The following LRRTM4 variants were observed in gnomAD, a reference collection of about 807,000 sequenced individuals.
The protein encoded by LRRTM4 is leucine rich repeat transmembrane neuronal 4.
Under a neutral mutation model 47.6 loss-of-function variants are expected in LRRTM4, and 25 were observed. The ratio of observed to expected loss-of-function variants is 0.53; its 90% CI spans 0.38 to 0.73. LRRTM4 has a LOEUF of 0.73. Among genes scored for constraint, LRRTM4 ranks in the 30% least tolerant of loss-of-function variants. LRRTM4 has a pLI of 0.00. For missense variants in LRRTM4, 638 were observed against 713.4 expected (o/e 0.89, Z 1.20); for synonymous variants, 311 against 269.5 (o/e 1.15, Z -1.51).
At chr2:77,014,064 G>A (rs747409730) in intron 3 of LRRTM4, among the ~76,000 whole-genome samples, 6 of 152,166 alleles carry the variant, frequency 3.9e-5, no homozygotes, top group African/African-American at 1.2e-4. Flanking sequence ...TATGATGAGA[G>A]AGTATGATTA....
chr2:76,980,403 G>C (rs549568138), intron 3 of LRRTM4, among the ~76,000 whole-genome samples: 1 of 152,134 alleles, frequency 6.6e-6, no homozygotes, highest in Admixed American at 6.6e-5. Context: ...CCTGAGCAAT[G>C]TATCTGTTTT....
chr2:77,449,549 T>C (rs1258995645), intron 3 of LRRTM4, among the ~76,000 whole-genome samples: 7 of 152,154 alleles, frequency 4.6e-5, no homozygotes, highest in Admixed American at 3.3e-4. Context: ...AGTACCAGGC[T>C]CATTTCCCAG....
chr2:77,034,654 A>T (rs1371790835), intron 3 of LRRTM4, among the ~76,000 whole-genome samples: 1 of 151,822 alleles, frequency 6.6e-6, no homozygotes, highest in East Asian at 1.9e-4. Flanking sequence ...TAGGCAACTA[A>T]ATCCAGAGGC....
intron 3 of LRRTM4, among the ~76,000 whole-genome samples, chr2:76,774,250 T>C (rs145458411): frequency 2.1e-4 from 32 of 152,084 alleles, no homozygotes; most frequent in South Asian, 8.3e-4. Context: ...AGTGGTGCAA[T>C]CTTGGCTCAC....
chr2:76,748,435 T>A lies in LRRTM4; in HGVS notation c.*260A>T. ...TTTTATAAGAACTTGACACTCTTAC[T>A]ATTTACATCCGGGAGCATTTTTGTT... On this transcript the variant is annotated 3_prime_UTR_variant, in exon 4 of 4. Coordinates refer to ENST00000409884, the MANE Select transcript of LRRTM4 (RefSeq NM_001134745.3). The A allele has an allele frequency of 2.0e-6, 1 of 497,100 alleles. No homozygotes were observed. Among genetic ancestry groups the A allele is most frequent in the Non-Finnish European group, 3.6e-6 (1 of 278,098 alleles). The allele number at this position is 497,100 out of a possible 1,614,324, so 30.8% of individuals were successfully genotyped here.
At chr2:77,438,450 A>G (rs1675697237) in intron 3 of LRRTM4, among the ~76,000 whole-genome samples, 1 of 122,472 alleles carries the variant, frequency 8.2e-6, no homozygotes, top group Non-Finnish European at 1.6e-5. Context: ...TCTGTCGCCC[A>G]GGCTGGAGTG....
intron 3 of LRRTM4, among the ~76,000 whole-genome samples, chr2:76,819,351 G>A (rs991916438): frequency 4.6e-5 from 7 of 151,684 alleles, no homozygotes; most frequent in East Asian, 1.9e-4. Flanking sequence ...AAAATAGTAC[G>A]CATACTTCCC....
chr2:77,361,637 C>T (rs769259185), intron 3 of LRRTM4, among the ~76,000 whole-genome samples: 4 of 152,112 alleles, frequency 2.6e-5, no homozygotes, highest in Non-Finnish European at 4.4e-5. Flanking sequence ...ATAACTATGC[C>T]TGGTATAAAC....
At chr2:77,366,403 C>T (rs1245514296) in intron 3 of LRRTM4, among the ~76,000 whole-genome samples, 1 of 151,904 alleles carries the variant, frequency 6.6e-6, no homozygotes, top group Non-Finnish European at 1.5e-5. Flanking sequence ...TACTCAAATA[C>T]TTCAAGGCTT....
At position 77,177,201 on chromosome 2, in the gene LRRTM4, T is replaced by C. The variant is rs577621903; in HGVS notation, c.1551+341117A>G. On this transcript the variant is annotated intron_variant, in intron 3 of 3. Coordinates refer to ENST00000409884, the MANE Select transcript of LRRTM4 (RefSeq NM_001134745.3). Reference sequence around the variant, plus strand: ...TAAACTTGTTTTCACTTAATTCTGTTCACTGCTCTTGAATTCCTTCCTATG... The same window carrying C: ...TAAACTTGTTTTCACTTAATTCTGTCCACTGCTCTTGAATTCCTTCCTATG... Among the ~76,000 whole-genome samples, 176 of 152,300 alleles carry C rather than the reference T, an allele frequency of 1.2e-3. 1 individual carries two copies. The highest frequency in any genetic ancestry group is 3.9e-3 in the African/African-American group (163 of 41,560).
chr2:76,761,079 C>G (rs1036752775), intron 3 of LRRTM4, among the ~76,000 whole-genome samples: 1 of 152,220 alleles, frequency 6.6e-6, no homozygotes, highest in Non-Finnish European at 1.5e-5. Context: ...AATGTGCAAC[C>G]TAGGTTGACA....
At chr2:77,170,406 G>T (rs1033908475) in intron 3 of LRRTM4, among the ~76,000 whole-genome samples, 2 of 152,094 alleles carry the variant, frequency 1.3e-5, no homozygotes. Context: ...ACTAGATTCT[G>T]CCAGTAACAC....
intron 3 of LRRTM4, among the ~76,000 whole-genome samples, chr2:77,290,103 G>A (rs1676779573): frequency 6.6e-6 from 1 of 151,776 alleles, no homozygotes; most frequent in South Asian, 2.1e-4. Flanking sequence ...AATTGAAGGA[G>A]AGTTTTCAAC....
At chr2:77,267,776 CA>C (rs1176967614) in intron 3 of LRRTM4, among the ~76,000 whole-genome samples, 2 of 127,894 alleles carry the variant, frequency 1.6e-5, no homozygotes, top group African/African-American at 5.9e-5. Context: ...TACACTGTCA[CA>C]CAATTAGAAT....
At chr2:77,121,480 C>A (rs1572982455) in intron 3 of LRRTM4, among the ~76,000 whole-genome samples, 1 of 151,688 alleles carries the variant, frequency 6.6e-6, no homozygotes, top group Non-Finnish European at 1.5e-5. Context: ...AAACACATAT[C>A]TAAAATTTGA....
At chr2:77,311,357 A>G (rs529860166) in intron 3 of LRRTM4, among the ~76,000 whole-genome samples, 2 of 152,164 alleles carry the variant, frequency 1.3e-5, no homozygotes, top group Non-Finnish European at 2.9e-5. Flanking sequence ...GGAATTATTT[A>G]ATTTAAGGCA....
intron 3 of LRRTM4, among the ~76,000 whole-genome samples, chr2:76,944,962 G>C (rs1367991191): frequency 6.6e-6 from 1 of 152,066 alleles, no homozygotes; most frequent in East Asian, 1.9e-4. Flanking sequence ...GTTTTTACGA[G>C]TCCAGGGCTG....
intron 3 of LRRTM4, among the ~76,000 whole-genome samples, chr2:76,812,901 A>G (rs932590750): frequency 6.6e-6 from 1 of 151,446 alleles, no homozygotes; most frequent in Non-Finnish European, 1.5e-5. Flanking sequence ...CTGAATTTAT[A>G]CATTGAAATA....
Position 77,444,976 on chromosome 2 carries a change from G to A in LRRTM4, c.1551+73342C>T, listed in dbSNP as rs539615608. Among the ~76,000 whole-genome samples, 745 of 94,590 alleles carry A rather than the reference G, an allele frequency of 7.9e-3. 13 individuals are homozygous for A. Among genetic ancestry groups the A allele is most frequent in the African/African-American group, 0.032 (687 of 21,210 alleles). The allele number at this position is 94,590 out of a possible 152,430, so 62.1% of individuals were successfully genotyped here. On this transcript the variant is annotated intron_variant, in intron 3 of 3. Coordinates refer to ENST00000409884, the MANE Select transcript of LRRTM4 (RefSeq NM_001134745.3). ...ACACACACACACACACACACGATCC[G>A]GAAAAAAAAAAAAACACTAAATTAG...
Sources: gnomAD v4.1 joint callset for allele counts (sites outside exome capture counted in the v4.1 genomes callset) on GRCh38, gnomAD v4.1.1 for gene constraint, MANE v1.5 for transcripts, NCBI Gene and HGNC (gene_info 2026-07-23, HGNC 2026-07-21) for gene names.